Variants in ADGRD1 observed in about 807,000 individuals in gnomAD.
ADGRD1 encodes G-protein coupled receptor 133.
A neutral mutation model predicts 113.4 loss-of-function variants in ADGRD1; 77 were observed. The observed-to-expected ratio is 0.68, with a 90% confidence interval of 0.57 to 0.82. ADGRD1 has a LOEUF of 0.82. Ranked by LOEUF, ADGRD1 falls within the 40% of genes least tolerant of loss-of-function variation. The pLI is 0.00. For synonymous variants in ADGRD1, 474 were observed against 475.0 expected (o/e 1.00, Z 0.03); for missense variants, 1,036 against 1,139.1 (o/e 0.91, Z 1.30).
chr12:131,097,626 G>C (rs577287158), intron 15 of ADGRD1, among the ~76,000 whole-genome samples: 1 of 152,202 alleles, frequency 6.6e-6, no homozygotes. Flanking sequence ...CTGGTCACTC[G>C]TGCTGTCCAG....
intron 8 of ADGRD1, among the ~76,000 whole-genome samples, chr12:130,997,758 G>A (rs981356408): frequency 4.6e-5 from 7 of 151,666 alleles, no homozygotes; most frequent in African/African-American, 1.7e-4. Flanking sequence ...CATCCCAGAC[G>A]ATGGGCGGCC....
intron 15 of ADGRD1, among the ~76,000 whole-genome samples, chr12:131,095,248 C>T (rs1307378521): frequency 6.6e-6 from 1 of 152,272 alleles, no homozygotes; most frequent in African/African-American, 2.4e-5. Context: ...AGCTCAGCCC[C>T]AGCCCTGCCT....
intron 15 of ADGRD1, among the ~76,000 whole-genome samples, chr12:131,092,399 A>C (rs899615875): frequency 9.2e-5 from 14 of 152,052 alleles, no homozygotes; most frequent in African/African-American, 3.4e-4. Context: ...CAGGCCAGGG[A>C]GGTGGTCTGG....
At chr12:131,049,474 C>T (rs1883166781) in intron 13 of ADGRD1, among the ~76,000 whole-genome samples, 1 of 152,242 alleles carries the variant, frequency 6.6e-6, no homozygotes, top group Admixed American at 6.5e-5. Context: ...GCCAGAGATT[C>T]TGGACACAGA....
intron 19 of ADGRD1, among the ~76,000 whole-genome samples, chr12:131,120,090 A>T (rs1005627985): frequency 2.0e-5 from 3 of 152,200 alleles, no homozygotes; most frequent in Non-Finnish European, 4.4e-5. Context: ...CTCAGTGAGC[A>T]GTCACGGAGG....
At chr12:131,031,255 G>A (rs966711526) in intron 13 of ADGRD1, among the ~76,000 whole-genome samples, 1 of 152,206 alleles carries the variant, frequency 6.6e-6, no homozygotes, top group Non-Finnish European at 1.5e-5. Context: ...GCCCACTCAC[G>A]TCTGGGGCAG....
chr12:131,075,453 C>A lies in ADGRD1; in HGVS notation c.1474-1348C>A, dbSNP rs529238237. Among the ~76,000 whole-genome samples the A allele has an allele frequency of 6.6e-6, 1 of 152,276 alleles. No individual in the cohort carries two copies. Among genetic ancestry groups the A allele is most frequent in the South Asian group, 2.1e-4 (1 of 4,824 alleles). Reference sequence around the variant, plus strand: ...TTTGGGAAGACAGAGGAGAAGATGTCTTTTCCAGGCGGTTTTAAGAGACCC... The same window carrying A: ...TTTGGGAAGACAGAGGAGAAGATGTATTTTCCAGGCGGTTTTAAGAGACCC... On this transcript the variant is annotated intron_variant, in intron 13 of 24. Transcript: ENST00000261654. The surrounding 1 kb of genome is among the most constrained non-coding windows in gnomAD (Gnocchi z 5.3).
chr12:131,039,677 G>A (rs373407125), intron 13 of ADGRD1, among the ~76,000 whole-genome samples: 1 of 152,202 alleles, frequency 6.6e-6, no homozygotes, highest in South Asian at 2.1e-4. Flanking sequence ...CCAACCCTGG[G>A]GCGCCTTGGC....
At chr12:131,133,557 C>T (rs7137903) in intron 21 of ADGRD1, among the ~76,000 whole-genome samples, 5 of 152,074 alleles carry the variant, frequency 3.3e-5, no homozygotes, top group African/African-American at 4.8e-5. Context: ...TTCCCACCTG[C>T]GTCTGCACCT....
chr12:131,000,361 G>A (rs1182904832), intron 8 of ADGRD1, 22 bp from the exon 9 acceptor site: 3 of 1,604,712 alleles, frequency 1.9e-6, no homozygotes, highest in Non-Finnish European at 1.7e-6. Context: ...GTGCTGAGCA[G>A]TGTCATTTTG....
chr12:131,017,447 T>G (rs1388874286), intron 13 of ADGRD1, among the ~76,000 whole-genome samples: 1 of 121,522 alleles, frequency 8.2e-6, no homozygotes, highest in East Asian at 2.5e-4. Context: ...CCAGTCCACA[T>G]ACACCCAGCA....
chr12:130,963,319 C>CAAAAA (rs61220467), intron 2 of ADGRD1, among the ~76,000 whole-genome samples: 5 of 75,008 alleles, frequency 6.7e-5, no homozygotes, highest in Admixed American at 1.7e-4. Context: ...GACTCCGTCT[C>CAAAAA]AAAAAAAAAA....
At chr12:130,991,927 C>A (rs1874444529) in intron 7 of ADGRD1, among the ~76,000 whole-genome samples, 1 of 152,084 alleles carries the variant, frequency 6.6e-6, no homozygotes, top group South Asian at 2.1e-4. Context: ...TCGAGACCAG[C>A]CTGGCCAACA....
chr12:131,030,957 C>T (rs976337909), intron 13 of ADGRD1, among the ~76,000 whole-genome samples: 1 of 152,190 alleles, frequency 6.6e-6, no homozygotes, highest in Non-Finnish European at 1.5e-5. Context: ...TGCAGTGTGT[C>T]GGAGTCTCCT....
chr12:131,133,923 A>G (rs1365160146), intron 21 of ADGRD1, among the ~76,000 whole-genome samples: 1 of 152,194 alleles, frequency 6.6e-6, no homozygotes, highest in East Asian at 1.9e-4. Context: ...GTGAATAACA[A>G]GATAAGATTC....
chr12:131,001,389 A>C (rs1480115567), intron 9 of ADGRD1, among the ~76,000 whole-genome samples: 1 of 152,268 alleles, frequency 6.6e-6, no homozygotes, highest in African/African-American at 2.4e-5. Flanking sequence ...TTCAAATCCT[A>C]AAACTGAGAT....
At chr12:130,955,022 T>A (rs1310379084) in intron 2 of ADGRD1, among the ~76,000 whole-genome samples, 4 of 151,892 alleles carry the variant, frequency 2.6e-5, no homozygotes, top group African/African-American at 9.7e-5. Flanking sequence ...TTGCCCAGGC[T>A]GGAGTGCAGT....
At chr12:130,985,851 C>G (rs1351472164) in intron 5 of ADGRD1, among the ~76,000 whole-genome samples, 1 of 152,150 alleles carries the variant, frequency 6.6e-6, no homozygotes, top group East Asian at 1.9e-4. Flanking sequence ...TGCGTCCGGC[C>G]AAGATTCTTT....
intron 21 of ADGRD1, among the ~76,000 whole-genome samples, chr12:131,134,347 A>G (rs905325496): frequency 2.0e-5 from 3 of 152,206 alleles, no homozygotes; most frequent in Admixed American, 6.5e-5. Flanking sequence ...GACCAGGGAC[A>G]CTGACAGCTC....
Sources: gnomAD v4.1 joint callset for allele counts (sites outside exome capture counted in the v4.1 genomes callset) on GRCh38, gnomAD v4.1.1 for gene constraint, Gnocchi (gnomAD v3.1) non-coding constraint, MANE v1.5 for transcripts, NCBI Gene and HGNC (gene_info 2026-07-23, HGNC 2026-07-21) for gene names.